CFAP221: variants seen among roughly 807,000 people sequenced by gnomAD.
CFAP221 encodes cilia and flagella associated protein 221.
CFAP221 carries 97 observed loss-of-function variants against 113.1 expected under a neutral mutation model. The ratio of observed to expected loss-of-function variants is 0.86; its 90% confidence interval spans 0.73 to 1.02. CFAP221 has a LOEUF of 1.02. Among genes scored for constraint, CFAP221 ranks in the 50% least tolerant of loss-of-function variants. CFAP221 has a pLI of 0.00. For synonymous variants in CFAP221, 331 were observed against 354.4 expected (o/e 0.93, Z 0.74); for missense variants, 1,025 against 1,013.4 (o/e 1.01, Z -0.16).
At position 119,548,961 on chromosome 2, in the gene CFAP221, A is replaced by G. The variant is rs1680236079; in HGVS notation, c.140-124A>G. On this transcript the variant is annotated intron_variant, in intron 2 of 23. Coordinates refer to ENST00000413369, the MANE Select transcript of CFAP221 (RefSeq NM_001271049.2). ...TTAATCTTGTTGACAGCTGGATCCA[A>G]TGTCTGCAATTTTCATATGCTTAAA... 27 of 577,124 alleles carry G rather than the reference A, an allele frequency of 4.7e-5. No individual in the cohort carries two copies. In the South Asian group the frequency reaches 7.8e-4, roughly 17 times the overall value. The allele number at this position is 577,124 out of a possible 1,614,324, so 35.8% of individuals were successfully genotyped here.
intron 21 of CFAP221, among the ~76,000 whole-genome samples, chr2:119,641,735 A>G (rs1022643433): frequency 2.6e-5 from 4 of 152,140 alleles, no homozygotes; most frequent in African/African-American, 9.7e-5. Context: ...TAAGCGGCGC[A>G]GTCACTCCAT....
chr2:119,546,263 A>C lies in CFAP221; in HGVS notation c.132A>C (p.Leu44=). Residue 44 remains leucine (L), a synonymous_variant, in exon 2 of 24, where the codon CTA becomes CTC. Transcript: ENST00000413369. ...GAAAAGAAGTACCTAATCACCTCCT[A>C]GAATCAAGTAAGTGGCTAGAAGACA... ...KKRKEVPNHL[L]ESKVYAKLVN... 1 of 1,533,820 alleles carries C rather than the reference A, an allele frequency of 6.5e-7. No individual in the cohort carries two copies. The highest frequency in any genetic ancestry group is 1.4e-5 in the African/African-American group (1 of 72,974).
At chr2:119,648,503 C>CCAG in intron 22 of CFAP221, 1 of 261,686 alleles carries the variant, frequency 3.8e-6, no homozygotes, top group South Asian at 3.7e-5. Context: ...ACAAAGAAGG[C>CCAG]CACCAGCCCT....
intron 2 of CFAP221, among the ~76,000 whole-genome samples, chr2:119,547,005 C>T (rs1401815785): frequency 2.0e-5 from 3 of 152,310 alleles, no homozygotes; most frequent in African/African-American, 7.2e-5. Flanking sequence ...CCCAACATGG[C>T]ACACCTGGTA....
At chr2:119,586,213 C>T (rs1574065033) in intron 6 of CFAP221, among the ~76,000 whole-genome samples, 2 of 152,184 alleles carry the variant, frequency 1.3e-5, no homozygotes, top group Admixed American at 1.3e-4. Context: ...ATCAGGAATG[C>T]AGGGAGTGGC....
chr2:119,567,043 C>T (rs771527915), intron 6 of CFAP221, among the ~76,000 whole-genome samples: 8 of 152,166 alleles, frequency 5.3e-5, no homozygotes, highest in Non-Finnish European at 8.8e-5. Flanking sequence ...CCATATCTCC[C>T]TGCCCCATGC....
chr2:119,595,835 G>A (rs775052583), intron 7 of CFAP221, among the ~76,000 whole-genome samples: 5 of 152,102 alleles, frequency 3.3e-5, no homozygotes, highest in Non-Finnish European at 7.4e-5. Flanking sequence ...GAAAAGTCAT[G>A]TCAGCTTAGA....
Position 119,647,017 on chromosome 2 carries a change from T to G in CFAP221, c.2285T>G (p.Leu762Ter), listed in dbSNP as rs1180286375. The G allele has an allele frequency of 1.2e-6, 2 of 1,613,588 alleles. No homozygotes were observed. The highest frequency in any genetic ancestry group is 1.7e-6 in the Non-Finnish European group (2 of 1,179,770). The change falls in exon 22 of 24, where the codon TTA (leucine) becomes TGA (stop). Residue 762 changes from leucine (L) to a stop codon, truncating the protein, a stop_gained. Coordinates refer to ENST00000413369, the MANE Select transcript of CFAP221 (RefSeq NM_001271049.2). LOFTEE classifies it high-confidence loss of function. ...GACGTCCCTGCCATCCTTGATGCCT[T>G]ACCAGAAGAGGACAGACTAGAAACA... ...PIDVPAILDA[L>*]PEEDRLETVE...
intron 13 of CFAP221, among the ~76,000 whole-genome samples, chr2:119,612,013 C>A (rs1203090029): frequency 6.6e-6 from 1 of 151,854 alleles, no homozygotes. Context: ...TTTTGTTTTC[C>A]TTCATTCTCC....
At chr2:119,590,027 T>C (rs1315915988) in intron 7 of CFAP221, 1 of 152,162 alleles carries the variant, frequency 6.6e-6, no homozygotes, top group Non-Finnish European at 1.5e-5. Context: ...ACAAAAAAAT[T>C]GTTGAACTTG....
chr2:119,658,619 G>GCACA (rs370284869), downstream of CFAP221, among the ~76,000 whole-genome samples: 3,657 of 147,708 alleles, frequency 0.025, 138 homozygotes, highest in African/African-American at 0.083. Context: ...CCCTCAACAC[G>GCACA]CACACACACA....
rs540165543 is a variant in CFAP221, at chr2:119,627,796, G to A, written c.1650+10G>A. The A allele has an allele frequency of 5.6e-5, 90 of 1,613,130 alleles. No homozygotes were observed. Among genetic ancestry groups the A allele is most frequent in the Middle Eastern group, 3.3e-4 (2 of 6,038 alleles). On this transcript the variant is annotated intron_variant, in intron 16 of 23. Transcript: ENST00000413369. ...GGACTCCAACGAGTTGGTAGGTGCC[G>A]TCAGGCTTGGGGGCGGGGAGTGGAC...
intron 23 of CFAP221, among the ~76,000 whole-genome samples, chr2:119,654,975 C>G (rs184477170): frequency 1.3e-5 from 2 of 152,262 alleles, no homozygotes. Flanking sequence ...CTTACTTTTT[C>G]CTCTTCCTCA....
intron 19 of CFAP221, among the ~76,000 whole-genome samples, chr2:119,634,495 G>A (rs1686992440): frequency 6.6e-6 from 1 of 152,016 alleles, no homozygotes; most frequent in African/African-American, 2.4e-5. Flanking sequence ...AAGAAAACAG[G>A]ATATCAAAGA....
chr2:119,628,270 TTC>T (rs143060958), intron 16 of CFAP221, among the ~76,000 whole-genome samples: 2 of 142,544 alleles, frequency 1.4e-5, no homozygotes, highest in South Asian at 2.3e-4. Flanking sequence ...CACAACCCAC[TTC>T]TCTCTCTCTC....
chr2:119,560,111 G>A (rs1681135814), intron 5 of CFAP221, 85 bp downstream of exon 5: 1 of 1,089,364 alleles, frequency 9.2e-7, no homozygotes, highest in East Asian at 2.6e-5. Flanking sequence ...AGAAAGAGAG[G>A]TGGAATGACC....
chr2:119,647,186 A>G (rs1687865905), intron 22 of CFAP221, 136 bp downstream of exon 22: 3 of 588,856 alleles, frequency 5.1e-6, no homozygotes, highest in Admixed American at 6.2e-5. Context: ...GCTAACACCC[A>G]TCCATACCAT....
In CFAP221 at chr2:119,604,909, G is replaced by C; in HGVS notation, c.946G>C (p.Asp316His). The part of the protein sequence containing the change: ...IEYQNLRFPV[D>H]LSNPFAVATV... ...GTACCAGAACCTCAGATTTCCAGTAGATTTATCGAATCCATTTGCTGTGGC... is the reference window on the plus strand; with the variant it reads ...GTACCAGAACCTCAGATTTCCAGTACATTTATCGAATCCATTTGCTGTGGC... The change falls in exon 10 of 24, where the codon GAT (aspartate) becomes CAT (histidine). Residue 316 changes from aspartate (D) to histidine (H), a missense_variant. Transcript: ENST00000413369. 1 of 1,614,122 alleles carries C rather than the reference G, an allele frequency of 6.2e-7. No homozygotes were observed. Among genetic ancestry groups the C allele is most frequent in the South Asian group, 1.1e-5 (1 of 91,072 alleles).
intron 23 of CFAP221, chr2:119,656,144 T>G (rs1688419908): frequency 2.0e-6 from 1 of 505,190 alleles, no homozygotes; most frequent in African/African-American, 1.9e-5. Context: ...TTGCCCATGC[T>G]CAGAAACTGA....
Sources: gnomAD v4.1 joint callset for allele counts (sites outside exome capture counted in the v4.1 genomes callset) on GRCh38, gnomAD v4.1.1 for gene constraint, MANE v1.5 for transcripts, NCBI Gene and HGNC (gene_info 2026-07-23, HGNC 2026-07-21) for gene names.